The following METTL25 variants were observed in gnomAD, a reference collection of about 807,000 sequenced individuals.
METTL25 encodes the protein probable methyltransferase-like protein 25.
In METTL25, 64 loss-of-function variants were observed where a neutral mutation model predicts 71.6. The observed-to-expected ratio is 0.89, with a 90% CI of 0.73 to 1.10. The LOEUF is 1.10. METTL25 is among the 50% of genes least tolerant of loss of function. METTL25 has a pLI of 0.00. For synonymous variants in METTL25, 287 were observed against 250.3 expected (o/e 1.15, Z -1.38); for missense variants, 807 against 707.0 (o/e 1.14, Z -1.60).
At chr12:82,365,120 G>A (rs1037004096) in intron 1 of METTL25, among the ~76,000 whole-genome samples, 6 of 152,120 alleles carry the variant, frequency 3.9e-5, no homozygotes, top group African/African-American at 1.2e-4. Flanking sequence ...CTAATAAAGA[G>A]TCTTATTGAA....
At chr12:82,475,105 C>A (rs1364360956) in intron 9 of METTL25, among the ~76,000 whole-genome samples, 1 of 152,110 alleles carries the variant, frequency 6.6e-6, no homozygotes, top group Non-Finnish European at 1.5e-5. Context: ...ATGGAGCACC[C>A]AAGAAATCAT....
intron 1 of METTL25, among the ~76,000 whole-genome samples, chr12:82,359,356 G>T (rs1216492244): frequency 1.3e-5 from 2 of 152,164 alleles, no homozygotes; most frequent in Non-Finnish European, 2.9e-5. Context: ...GCTAGGCTTG[G>T]CTCTAGCCAG....
chr12:82,391,792 A>G (rs190250873), intron 3 of METTL25, among the ~76,000 whole-genome samples: 29 of 137,332 alleles, frequency 2.1e-4, no homozygotes, highest in Non-Finnish European at 2.0e-4. Context: ...TTCTATTTTT[A>G]GTGTTTTGAA....
At chr12:82,383,501 T>C (rs1884656216) in intron 1 of METTL25, among the ~76,000 whole-genome samples, 2 of 152,158 alleles carry the variant, frequency 1.3e-5, no homozygotes, top group South Asian at 2.1e-4. Context: ...TTGTTTCCTC[T>C]GTAAATGAGG....
intron 1 of METTL25, among the ~76,000 whole-genome samples, chr12:82,367,275 A>G (rs17009470): frequency 0.058 from 8,820 of 152,216 alleles, 350 homozygotes; most frequent in African/African-American, 0.11. Context: ...GATTTTTAAA[A>G]TTTTATATCA....
chr12:82,370,264 T>G (rs914061290), intron 1 of METTL25, among the ~76,000 whole-genome samples: 6 of 152,164 alleles, frequency 3.9e-5, no homozygotes, highest in African/African-American at 1.4e-4. Flanking sequence ...TGTAAGACCA[T>G]CTGTAACTTG....
intron 9 of METTL25, among the ~76,000 whole-genome samples, chr12:82,457,523 A>G (rs923781039): frequency 6.6e-6 from 1 of 152,006 alleles, no homozygotes; most frequent in Admixed American, 6.6e-5. Flanking sequence ...GGGTATTATT[A>G]TTTATTATAT....
chr12:82,408,551 C>T (rs1284051234), intron 5 of METTL25, among the ~76,000 whole-genome samples: 1 of 150,692 alleles, frequency 6.6e-6, no homozygotes, highest in Non-Finnish European at 1.5e-5. Context: ...TATGGGTATC[C>T]CTAGATTTTT....
At chr12:82,423,696 GA>G (rs1424867985) in intron 5 of METTL25, among the ~76,000 whole-genome samples, 2 of 151,814 alleles carry the variant, frequency 1.3e-5, no homozygotes, top group South Asian at 2.1e-4. Flanking sequence ...AAATTTACAA[GA>G]AAAAAATAAC....
chr12:82,394,644 C>T (rs1054193269), intron 3 of METTL25, among the ~76,000 whole-genome samples: 29 of 151,800 alleles, frequency 1.9e-4, no homozygotes, highest in Admixed American at 1.6e-3. Context: ...TATTTTTGCC[C>T]TAGTGGCATT....
intron 1 of METTL25, among the ~76,000 whole-genome samples, chr12:82,376,063 T>C (rs970380725): frequency 6.6e-6 from 1 of 152,272 alleles, no homozygotes; most frequent in African/African-American, 2.4e-5. Flanking sequence ...TTTCTTCCCA[T>C]TTAATGTAGG....
chr12:82,443,043 C>CT (rs952868352), intron 8 of METTL25, among the ~76,000 whole-genome samples: 13 of 151,326 alleles, frequency 8.6e-5, no homozygotes, highest in Admixed American at 6.6e-4. Context: ...AAAACAAAGA[C>CT]TAAGAGCTAT....
intron 6 of METTL25, among the ~76,000 whole-genome samples, chr12:82,432,863 T>TAA (rs11358515): frequency 4.7e-4 from 61 of 130,262 alleles, no homozygotes; most frequent in African/African-American, 1.6e-3. Context: ...TGGTCTTCTT[T>TAA]AAAAAAAAAA....
intron 3 of METTL25, 69 bp downstream of exon 3, chr12:82,389,991 C>A: frequency 1.2e-6 from 1 of 834,500 alleles, no homozygotes; most frequent in Non-Finnish European, 2.0e-6. Flanking sequence ...TCATATTTCA[C>A]CTTTTTACTG....
chr12:82,433,519 G>T (rs1480192313), intron 6 of METTL25, among the ~76,000 whole-genome samples: 1 of 151,578 alleles, frequency 6.6e-6, no homozygotes, highest in Non-Finnish European at 1.5e-5. Context: ...TTTCCGTGAA[G>T]CCAGTTTTCA....
At chr12:82,434,754 A>G (rs1267968270) in intron 7 of METTL25, 30 bp downstream of exon 7, 91 of 1,599,518 alleles carry the variant, frequency 5.7e-5, no homozygotes, top group Non-Finnish European at 7.7e-5. Context: ...GATGAACACG[A>G]CAGTTTTTCT....
At chr12:82,451,299 C>T in intron 8 of METTL25, 7 of 975,072 alleles carry the variant, frequency 7.2e-6, no homozygotes, top group Non-Finnish European at 8.5e-6. Flanking sequence ...TGGTGAGAGA[C>T]AGCAGCGTGT....
intron 11 of METTL25, among the ~76,000 whole-genome samples, chr12:82,478,705 A>T (rs913557848): frequency 6.6e-6 from 1 of 151,954 alleles, no homozygotes; most frequent in Non-Finnish European, 1.5e-5. Flanking sequence ...CAACCGTAGC[A>T]AAGAATAAAC....
chr12:82,429,713 G>A (rs1316282436), intron 5 of METTL25, among the ~76,000 whole-genome samples: 1 of 151,434 alleles, frequency 6.6e-6, no homozygotes, highest in East Asian at 2.0e-4. Flanking sequence ...ACACCTCTTG[G>A]CCATTTATAT....
Sources: allele counts gnomAD v4.1 joint callset (sites outside exome capture counted in the v4.1 genomes callset), GRCh38; gene constraint gnomAD v4.1.1; transcripts MANE v1.5; gene names NCBI Gene and HGNC (gene_info 2026-07-23, HGNC 2026-07-21).